Variants in ANKUB1 observed in about 807,000 individuals in gnomAD.
ANKUB1 encodes protein ANKUB1.
A neutral mutation model predicts 49.3 loss-of-function variants in ANKUB1; 42 were observed. That is an observed-to-expected ratio of 0.85 (90% CI 0.67 to 1.10). The LOEUF is 1.10. Among genes scored for constraint, ANKUB1 ranks in the 50% least tolerant of loss-of-function variants. ANKUB1 has a pLI of 0.00. For synonymous variants in ANKUB1, 222 were observed against 231.0 expected, an observed-to-expected ratio of 0.96 and a Z score of 0.35; for missense variants, 613 against 642.0, an observed-to-expected ratio of 0.95 and a Z score of 0.49.
At chr3:149,768,704 G>C (rs1449369173) in intron 4 of ANKUB1, among the ~76,000 whole-genome samples, 4 of 152,076 alleles carry the variant, frequency 2.6e-5, no homozygotes, top group African/African-American at 7.2e-5. Context: ...ACCACACCTG[G>C]CTAATTTTTG....
chr3:149,770,382 C>A (rs1717293032), intron 4 of ANKUB1, among the ~76,000 whole-genome samples, 178 bp downstream of exon 4: 1 of 152,262 alleles, frequency 6.6e-6, no homozygotes. Context: ...GATGGCATCC[C>A]TGCTGTTTTG....
intron 3 of ANKUB1, chr3:149,780,028 G>A (rs948957247): frequency 1.3e-4 from 76 of 568,480 alleles, no homozygotes; most frequent in African/African-American, 1.2e-3. Context: ...AAGGCCAGGA[G>A]AGGGAGGGCA....
chr3:149,777,493 AC>A (rs1717653682), intron 3 of ANKUB1, among the ~76,000 whole-genome samples: 1 of 151,572 alleles, frequency 6.6e-6, no homozygotes, highest in South Asian at 2.1e-4. Flanking sequence ...AACAACAACA[AC>A]AACAACAAAA....
intron 2 of ANKUB1, among the ~76,000 whole-genome samples, chr3:149,785,802 T>C (rs971693505): frequency 6.6e-6 from 1 of 151,648 alleles, no homozygotes; most frequent in Non-Finnish European, 1.5e-5. Flanking sequence ...GGTCAAATGG[T>C]ATTTCCAGTT....
At chr3:149,788,295 A>C (rs1056943141) in intron 2 of ANKUB1, among the ~76,000 whole-genome samples, 1 of 152,168 alleles carries the variant, frequency 6.6e-6, no homozygotes, top group Admixed American at 6.5e-5. Context: ...GAGTACCGTT[A>C]GTAAAATTTT....
chr3:149,789,084 T>A (rs1033621498), intron 2 of ANKUB1, among the ~76,000 whole-genome samples: 1 of 152,158 alleles, frequency 6.6e-6, no homozygotes, highest in African/African-American at 2.4e-5. Context: ...AGGATACTTT[T>A]TACTGTGTAT....
intron 2 of ANKUB1, among the ~76,000 whole-genome samples, chr3:149,782,415 T>A (rs1001017719): frequency 3.3e-5 from 5 of 152,062 alleles, no homozygotes; most frequent in African/African-American, 1.2e-4. Flanking sequence ...ACTAGGTGTG[T>A]GAGGTTAGAT....
At chr3:149,781,030 T>C (rs1009954528) in intron 2 of ANKUB1, among the ~76,000 whole-genome samples, 2 of 149,906 alleles carry the variant, frequency 1.3e-5, no homozygotes, top group Non-Finnish European at 3.0e-5. Flanking sequence ...CTCACTATGA[T>C]GCCCAGGCTG....
At position 149,790,744 on chromosome 3, in the gene ANKUB1, T is replaced by C. The variant is rs1362927575; in HGVS notation, c.234+37A>G. On this transcript the variant is annotated intron_variant, in intron 2 of 5. Coordinates refer to ENST00000446160, the MANE Select transcript of ANKUB1 (RefSeq NM_001144960.3). ...ATCCCCAACTTTATTCAAAATGAGATAGATATCTTAGACGAATATTATCCT... is the reference window on the plus strand; with the variant it reads ...ATCCCCAACTTTATTCAAAATGAGACAGATATCTTAGACGAATATTATCCT... 6 of 1,512,792 alleles carry C rather than the reference T, an allele frequency of 4.0e-6. No homozygotes were observed. In the East Asian group the frequency reaches 1.2e-4, roughly 31 times the overall value. The allele number at this position is 1,512,792 out of a possible 1,614,324, so 93.7% of individuals were successfully genotyped here.
intron 2 of ANKUB1, among the ~76,000 whole-genome samples, chr3:149,787,251 AG>A (rs1718147348): frequency 6.6e-6 from 1 of 152,096 alleles, no homozygotes; most frequent in Non-Finnish European, 1.5e-5. Context: ...TATTTCGTTG[AG>A]CAGTGGTTTG....
Position 149,761,370 on chromosome 3 carries a change from A to T in ANKUB1, c.*114T>A. 1 of 1,225,104 alleles carries T rather than the reference A, an allele frequency of 8.2e-7. No individual in the cohort carries two copies. The highest frequency in any genetic ancestry group is 2.6e-5 in the Admixed American group (1 of 38,516). 75.9% of individuals were successfully genotyped at this position (1,225,104 alleles called of 1,614,324 possible). ...AATATCCTATTAAAAGTTATGTGGC[A>T]TTATAACTGTTACTAGAGATGATAA... On this transcript the variant is annotated 3_prime_UTR_variant, in exon 6 of 6. Transcript: ENST00000446160.
chr3:149,789,358 T>TG (rs1718258537), intron 2 of ANKUB1, among the ~76,000 whole-genome samples: 1 of 152,124 alleles, frequency 6.6e-6, no homozygotes, highest in Non-Finnish European at 1.5e-5. Context: ...TACAGACTTC[T>TG]GGGAAATTTT....
chr3:149,770,549 A>G lies in ANKUB1; in HGVS notation c.566+11T>C. ...CACTTGCTAAGTTAATTTAAAATTA[A>G]TTTCTCATACTTGAGTACTGGTCCT... On this transcript the variant is annotated intron_variant, in intron 4 of 5. Transcript: ENST00000446160. 6.6e-7 allele frequency: 1 copy of G among 1,519,854 alleles called. No individual in the cohort carries two copies. Among genetic ancestry groups the G allele is most frequent in the Non-Finnish European group, 8.9e-7 (1 of 1,122,724 alleles). The allele number at this position is 1,519,854 out of a possible 1,614,324, so 94.1% of individuals were successfully genotyped here.
At chr3:149,766,019 G>GT (rs1285444348) in intron 5 of ANKUB1, among the ~76,000 whole-genome samples, 2 of 152,090 alleles carry the variant, frequency 1.3e-5, no homozygotes, top group Non-Finnish European at 2.9e-5. Flanking sequence ...ATCTAGCCTT[G>GT]TTTTTTCTTT....
chr3:149,786,185 G>A (rs140241877), intron 2 of ANKUB1, among the ~76,000 whole-genome samples: 3,804 of 152,174 alleles, frequency 0.025, 64 homozygotes, highest in Non-Finnish European at 0.035. Flanking sequence ...ACAGGCACCC[G>A]CCAACGCGCC....
intron 2 of ANKUB1, among the ~76,000 whole-genome samples, chr3:149,786,296 A>G (rs1223830658): frequency 6.6e-6 from 1 of 152,058 alleles, no homozygotes; most frequent in South Asian, 2.1e-4. Flanking sequence ...CGACCTCCCA[A>G]AGTGCTGGGA....
intron 5 of ANKUB1, among the ~76,000 whole-genome samples, chr3:149,763,506 T>C (rs1716861899): frequency 6.6e-6 from 1 of 152,246 alleles, no homozygotes; most frequent in African/African-American, 2.4e-5. Flanking sequence ...CAAAGAGCTG[T>C]ACTTGTATCC....
rs1717796760 is a variant in ANKUB1 at position 149,780,264 on chromosome 3, G to A, written c.426C>T (p.Thr142=). The A allele has an allele frequency of 6.4e-7, 1 of 1,551,676 alleles. No homozygotes were observed. Among genetic ancestry groups the A allele is most frequent in the Non-Finnish European group, 8.7e-7 (1 of 1,146,984 alleles). ...CAATATCAGTCTGGTAGTCCTTGAG[G>A]GTGTTGCAATCATACATCTCCAGGC... ...PRGLEMYDCN[T]LKDYQTDIGT... is the part of the protein sequence containing the mutation. The change falls in exon 3 of 6, where the codon ACC becomes ACT. Residue 142 remains threonine (T), a synonymous_variant. Transcript: ENST00000446160.
intron 2 of ANKUB1, chr3:149,783,513 A>T (rs995117864): frequency 6.6e-6 from 1 of 152,248 alleles, no homozygotes; most frequent in African/African-American, 2.4e-5. Context: ...CCTTCAAAAA[A>T]CAAATGCAAA....
Sources: gnomAD v4.1 joint callset for allele counts (sites outside exome capture counted in the v4.1 genomes callset) on GRCh38, gnomAD v4.1.1 for gene constraint, MANE v1.5 for transcripts, NCBI Gene and HGNC (gene_info 2026-07-23, HGNC 2026-07-21) for gene names.